Variants in RTCB observed in about 807,000 individuals in gnomAD.
The protein encoded by RTCB is RNA 2',3'-cyclic phosphate and 5'-OH ligase.
In RTCB, 32 loss-of-function variants were observed where a neutral mutation model predicts 58.2. That is an observed-to-expected ratio of 0.55 (90% CI 0.41 to 0.74). The LOEUF (loss-of-function observed/expected upper bound fraction) is 0.74. RTCB is among the 30% of genes least tolerant of loss of function. RTCB has a pLI of 0.00. For synonymous variants in RTCB, 247 were observed against 218.6 expected (o/e 1.13, Z -1.15); for missense variants, 523 against 639.0 (o/e 0.82, Z 1.96).
Position 32,388,005 on chromosome 22 carries a change from A to C in RTCB, c.1505T>G (p.Val502Gly). The stretch of plus-strand genomic sequence containing the variant: ...CTGTCCAAGGTTCTATCCTTTGATC[A>C]CAGCAATTGGTCTCAGTTTAATGGC... ...KKAIKLRPIAVIKG is the reference protein window; with the variant it reads ...KKAIKLRPIAGIKG The change falls in exon 12 of 12, where the codon GTG becomes GGG. Residue 502 changes from valine to glycine, a missense_variant. This residue lies in a region of RTCB where 248 missense variants were observed against 292.5 expected (regional missense o/e 0.85). Transcript: ENST00000216038. 6.2e-7 allele frequency: 1 copy of C among 1,612,104 alleles called. No individual in the cohort carries two copies. Among genetic ancestry groups the C allele is most frequent in the Non-Finnish European group, 8.5e-7 (1 of 1,178,150 alleles).
Position 32,392,328 on chromosome 22 carries a change from C to A in RTCB, c.1322G>T (p.Arg441Leu), listed in dbSNP as rs756871532. Reference protein sequence around the residue: ...GRALSRAKSRRNLDFQDVLDK... With the variant: ...GRALSRAKSRLNLDFQDVLDK... The stretch of plus-strand genomic sequence containing the variant: ...TAAGACATCCTGGAAATCTAAATTA[C>A]GTCGAGATTTTGCTCGGGACAATGC... The change falls in exon 11 of 12, where the codon CGT becomes CTT. Residue 441 changes from arginine (R) to leucine (L), a missense_variant. This residue lies in a region of RTCB where 248 missense variants were observed against 292.5 expected (regional missense o/e 0.85). Transcript: ENST00000216038. 1 of 1,614,048 alleles carries A rather than the reference C, an allele frequency of 6.2e-7. No homozygotes were observed. The highest frequency in any genetic ancestry group is 8.5e-7 in the Non-Finnish European group (1 of 1,179,970).
intron 11 of RTCB, 77 bp from the exon 12 acceptor site, chr22:32,388,176 T>C: frequency 1.2e-6 from 1 of 847,416 alleles, no homozygotes; most frequent in South Asian, 1.5e-5. Flanking sequence ...TCACTTGTGA[T>C]GAAATAAATG....
intron 6 of RTCB, among the ~76,000 whole-genome samples, 166 bp from the exon 7 acceptor site, chr22:32,398,266 T>C (rs962959961): frequency 6.6e-6 from 1 of 152,176 alleles, no homozygotes; most frequent in African/African-American, 2.4e-5. Flanking sequence ...TTTACAATAT[T>C]CTACACAACA....
At chr22:32,390,723 C>T (rs1326614004) in intron 11 of RTCB, among the ~76,000 whole-genome samples, 2 of 152,212 alleles carry the variant, frequency 1.3e-5, no homozygotes, top group Non-Finnish European at 2.9e-5. Flanking sequence ...GCTGGGATTA[C>T]AGGCCTGAGC....
At position 32,395,358 on chromosome 22, in the gene RTCB, T is replaced by C. The variant is rs142838193; in HGVS notation, c.991-144A>G. ...TTCAAAAGTAGCCGTAAGATTATCTTCACGTAAAGGACAAAAGCTGTCCTT... is the reference window on the plus strand; with the variant it reads ...TTCAAAAGTAGCCGTAAGATTATCTCCACGTAAAGGACAAAAGCTGTCCTT... On this transcript the variant is annotated intron_variant, in intron 8 of 11. Transcript: ENST00000216038. The C allele has an allele frequency of 8.1e-5, 53 of 656,466 alleles. No homozygotes were observed. The East Asian group carries it at 1.4e-3, about 18-fold the overall frequency. 40.7% of individuals were successfully genotyped at this position (656,466 alleles called of 1,614,324 possible).
At chr22:32,394,114 CTTTTTT>C in intron 9 of RTCB, 112 bp from the exon 10 acceptor site, 1 of 514,644 alleles carries the variant, frequency 1.9e-6, no homozygotes, top group Admixed American at 3.2e-5. Flanking sequence ...ACCCAGACTT[CTTTTTT>C]TTTTTTTTGA....
At chr22:32,388,969 C>G (rs1265376345) in intron 11 of RTCB, among the ~76,000 whole-genome samples, 1 of 152,186 alleles carries the variant, frequency 6.6e-6, no homozygotes, top group Non-Finnish European at 1.5e-5. Context: ...TCATCTCCAA[C>G]TTTCTGAATG....
Position 32,396,185 on chromosome 22 carries a change from C to T in RTCB, c.879G>A (p.Leu293=). 6.2e-7 allele frequency: 1 copy of T among 1,614,226 alleles called. No individual in the cohort carries two copies. The highest frequency in any genetic ancestry group is 1.1e-5 in the South Asian group (1 of 91,086). Residue 293 remains leucine (L), a synonymous_variant, in exon 8 of 12, where the codon TTG becomes TTA. Transcript: ENST00000216038. ...CTGGGGAAGCGATTCGAGCACAAGCCAACTGCCGATCATTGACTATAATCT... is the reference window on the plus strand; with the variant it reads ...CTGGGGAAGCGATTCGAGCACAAGCTAACTGCCGATCATTGACTATAATCT... ...RDKIIVNDRQ[L]ACARIASPEG... is the part of the protein sequence containing the mutation.
chr22:32,388,050 T>C lies in RTCB; in HGVS notation c.1460A>G (p.Asp487Gly). The stretch of plus-strand genomic sequence containing the variant: ...AATGGCTTTCTTGCTGATTCCAGCA[T>C]CATGGCAGGTATTTACCACATCTGT... The part of the protein sequence containing the change: ...NVTDVVNTCH[D>G]AGISKKAIKL... The change falls in exon 12 of 12, where the codon GAT becomes GGT. Residue 487 changes from aspartate to glycine, a missense_variant. Around this residue, in one of 3 missense-constraint regions of RTCB, gnomAD observed 248 missense variants for 292.5 expected, o/e 0.85. Transcript: ENST00000216038. 6.2e-7 allele frequency: 1 copy of C among 1,614,112 alleles called. No individual in the cohort carries two copies. Among genetic ancestry groups the C allele is most frequent in the South Asian group, 1.1e-5 (1 of 91,082 alleles).
intron 7 of RTCB, 111 bp from the exon 8 acceptor site, chr22:32,396,360 A>C: frequency 7.5e-6 from 8 of 1,072,530 alleles, no homozygotes; most frequent in East Asian, 2.4e-5. Flanking sequence ...AAAAAACCCA[A>C]TGAAAGCCAA....
intron 1 of RTCB, 111 bp from the exon 2 acceptor site, chr22:32,408,944 A>G (rs1933474585): frequency 4.0e-6 from 3 of 757,650 alleles, no homozygotes; most frequent in South Asian, 3.2e-5. Flanking sequence ...TTTACCAAAC[A>G]CTTTCACGTT....
chr22:32,401,080 C>A (rs1011505673), intron 5 of RTCB, among the ~76,000 whole-genome samples: 12 of 149,422 alleles, frequency 8.0e-5, no homozygotes, highest in African/African-American at 2.7e-4. Context: ...ATCCTGATAT[C>A]ACCTACTAAG....
chr22:32,411,958 G>A (rs948636562), intron 1 of RTCB, 106 bp downstream of exon 1: 3 of 793,700 alleles, frequency 3.8e-6, no homozygotes, highest in East Asian at 5.4e-5. Context: ...CTCTGCAAGG[G>A]GCCGGGGCGG....
intron 3 of RTCB, chr22:32,407,239 A>C (rs556655735): frequency 6.3e-6 from 1 of 157,916 alleles, no homozygotes; most frequent in Non-Finnish European, 1.4e-5. Context: ...CTGACCCAGG[A>C]AGAATGCAGG....
rs201859187 is a variant in RTCB, at chr22:32,396,295, A to G, written c.815-46T>C. ...TCCAAACCAGTTAGCTTTCCCTTAAATGAACAGTTCAGATTTACTGCAGAA... is the reference window on the plus strand; with the variant it reads ...TCCAAACCAGTTAGCTTTCCCTTAAGTGAACAGTTCAGATTTACTGCAGAA... On this transcript the variant is annotated intron_variant, in intron 7 of 11. Coordinates refer to ENST00000216038, the MANE Select transcript of RTCB (RefSeq NM_014306.5). 2,098 of 1,589,922 alleles carry G rather than the reference A, an allele frequency of 1.3e-3. 2 individuals carry two copies. The highest frequency in any genetic ancestry group is 1.7e-3 in the Non-Finnish European group (1,921 of 1,162,644).
At position 32,395,232 on chromosome 22, in the gene RTCB, A is replaced by T. The variant is rs916225333; in HGVS notation, c.991-18T>A. Reference sequence around the variant, plus strand: ...GCGAAAGCCTAGGAGAAAACACAGAAGATAAAAGCAGCCAGAACTTCAGGA... The same window carrying T: ...GCGAAAGCCTAGGAGAAAACACAGATGATAAAAGCAGCCAGAACTTCAGGA... On this transcript the variant is annotated intron_variant, in intron 8 of 11. Coordinates refer to ENST00000216038, the MANE Select transcript of RTCB (RefSeq NM_014306.5). The T allele has an allele frequency of 8.1e-6, 13 of 1,609,192 alleles. No homozygotes were observed. The highest frequency in any genetic ancestry group is 1.1e-5 in the Non-Finnish European group (13 of 1,176,626).
At chr22:32,396,943 T>G (rs1030619429) in intron 7 of RTCB, among the ~76,000 whole-genome samples, 1 of 152,200 alleles carries the variant, frequency 6.6e-6, no homozygotes, top group African/African-American at 2.4e-5. Context: ...CTGCGTCTGT[T>G]GCCCAGAAGG....
intron 1 of RTCB, among the ~76,000 whole-genome samples, chr22:32,411,717 C>T (rs1176078588): frequency 6.6e-6 from 1 of 152,134 alleles, no homozygotes; most frequent in Non-Finnish European, 1.5e-5. Flanking sequence ...GGCTGTTCCA[C>T]CCTGGAAAAG....
At chr22:32,399,385 C>T (rs1933297514) in intron 6 of RTCB, among the ~76,000 whole-genome samples, 1 of 151,936 alleles carries the variant, frequency 6.6e-6, no homozygotes, top group Non-Finnish European at 1.5e-5. Flanking sequence ...CTCAAGCGAA[C>T]CTTCCTCCTT....
Sources: allele counts gnomAD v4.1 joint callset (sites outside exome capture counted in the v4.1 genomes callset), GRCh38; gene constraint gnomAD v4.1.1; regional missense constraint gnomAD v4.1.1; transcripts MANE v1.5; gene names NCBI Gene and HGNC (gene_info 2026-07-23, HGNC 2026-07-21).